Variants in SMARCAL1 observed in about 807,000 individuals in gnomAD.
SMARCAL1 encodes the protein ATP-driven annealing helicase.
Under a neutral mutation model 94.5 loss-of-function variants are expected in SMARCAL1, and 58 were observed. The observed-to-expected ratio is 0.61, with a 90% confidence interval of 0.50 to 0.76. The LOEUF (loss-of-function observed/expected upper bound fraction) is 0.76. SMARCAL1 is among the 30% of genes least tolerant of loss of function. SMARCAL1 has a pLI of 0.00. For synonymous variants in SMARCAL1, 422 were observed against 455.1 expected (o/e 0.93, Z 0.93); for missense variants, 1,051 against 1,177.9 (o/e 0.89, Z 1.58).
intron 4 of SMARCAL1, among the ~76,000 whole-genome samples, chr2:216,417,765 G>A (rs1171572014): frequency 6.6e-6 from 1 of 152,176 alleles, no homozygotes; most frequent in Non-Finnish European, 1.5e-5. Flanking sequence ...GATAAAGATT[G>A]CAGATTTTGA....
At chr2:216,446,502 A>T (rs1375022654) in intron 10 of SMARCAL1, among the ~76,000 whole-genome samples, 1 of 152,184 alleles carries the variant, frequency 6.6e-6, no homozygotes, top group African/African-American at 2.4e-5. Context: ...GGCTGATTGT[A>T]ATTGTCATTA....
intron 6 of SMARCAL1, 115 bp from the exon 7 acceptor site, chr2:216,428,481 T>C: frequency 1.0e-6 from 1 of 983,922 alleles, no homozygotes; most frequent in Non-Finnish European, 1.6e-6. Context: ...ACCCATTATA[T>C]AGGGACCTAG....
chr2:216,439,179 C>T (rs1574461017), intron 10 of SMARCAL1, among the ~76,000 whole-genome samples: 2 of 151,946 alleles, frequency 1.3e-5, no homozygotes, highest in Non-Finnish European at 1.5e-5. Flanking sequence ...AGCAAGCAGG[C>T]GTGGGTATGT....
At chr2:216,450,676 C>T (rs1348164444) in intron 11 of SMARCAL1, among the ~76,000 whole-genome samples, 170 bp from the exon 12 acceptor site, 3 of 152,104 alleles carry the variant, frequency 2.0e-5, no homozygotes, top group Non-Finnish European at 4.4e-5. Context: ...TTTTCCTTTC[C>T]ATTTCTCATT....
At chr2:216,447,681 A>T (rs929818078) in intron 11 of SMARCAL1, among the ~76,000 whole-genome samples, 1 of 151,444 alleles carries the variant, frequency 6.6e-6, no homozygotes, top group Admixed American at 6.6e-5. Flanking sequence ...AAAAAAAAAG[A>T]AAAAAAAAGA....
At chr2:216,452,660 T>C (rs1204422174) in intron 12 of SMARCAL1, among the ~76,000 whole-genome samples, 1 of 150,974 alleles carries the variant, frequency 6.6e-6, no homozygotes, top group African/African-American at 2.5e-5. Flanking sequence ...GCATTTGAAT[T>C]AAGGAGGAAA....
At chr2:216,419,595 G>T (rs941872227) in intron 4 of SMARCAL1, among the ~76,000 whole-genome samples, 1 of 152,108 alleles carries the variant, frequency 6.6e-6, no homozygotes, top group Non-Finnish European at 1.5e-5. Context: ...ACCTAGGAGT[G>T]GGCTTAACTG....
Position 216,482,874 on chromosome 2 carries a change from A to G in SMARCAL1, c.2762A>G (p.Asn921Ser). The change falls in exon 18 of 18, where the codon AAC (asparagine) becomes AGC (serine). Residue 921 changes from asparagine (N) to serine (S), a missense_variant. Asn to Ser is a conservative substitution (Grantham distance 46). Transcript: ENST00000357276. The surrounding 1 kb of genome is among the most constrained non-coding windows in gnomAD (Gnocchi z 4.3). ...GGAACATCTGGAAGTAGTTCCCAGA[A>G]CATGGGAGACACCCTGGATGAAAGC... Reference protein sequence around the residue: ...ASGTSGSSSQNMGDTLDESSL... With the variant: ...ASGTSGSSSQSMGDTLDESSL... 6.2e-7 allele frequency: 1 copy of G among 1,614,236 alleles called. No individual in the cohort carries two copies. The highest frequency in any genetic ancestry group is 8.5e-7 in the Non-Finnish European group (1 of 1,180,034).
rs773280953 is a variant in SMARCAL1, at chr2:216,432,881, C to T, written c.1485+13C>T. ...CACCTGGGAGCAGGTTAATGGTCTT[C>T]AAATTGCAGTTTTCACAGAGAAGGT... On this transcript the variant is annotated intron_variant, in intron 8 of 17. Transcript: ENST00000357276. The T allele has an allele frequency of 2.5e-6, 4 of 1,613,994 alleles. No homozygotes were observed. Among genetic ancestry groups the T allele is most frequent in the Non-Finnish European group, 3.4e-6 (4 of 1,180,020 alleles).
intron 12 of SMARCAL1, among the ~76,000 whole-genome samples, chr2:216,463,813 T>G (rs930034604): frequency 3.3e-5 from 5 of 152,110 alleles, no homozygotes; most frequent in Non-Finnish European, 7.4e-5. Context: ...GAGGCTGAGG[T>G]GGGTGGAACA....
chr2:216,437,633 A>C (rs922334016), intron 9 of SMARCAL1, among the ~76,000 whole-genome samples: 1 of 152,230 alleles, frequency 6.6e-6, no homozygotes, highest in Non-Finnish European at 1.5e-5. Context: ...GTGGTTGCTC[A>C]GAGTCACACA....
At chr2:216,479,587 A>C (rs1218195021) in intron 17 of SMARCAL1, among the ~76,000 whole-genome samples, 1 of 150,702 alleles carries the variant, frequency 6.6e-6, no homozygotes, top group Non-Finnish European at 1.5e-5. Flanking sequence ...TATTTGCTAA[A>C]TATTGGGATA....
chr2:216,429,433 T>C (rs1359439505), intron 7 of SMARCAL1, among the ~76,000 whole-genome samples: 1 of 152,194 alleles, frequency 6.6e-6, no homozygotes, highest in Non-Finnish European at 1.5e-5. Flanking sequence ...GGTGCTCTTA[T>C]TAGAGGAAGA....
At position 216,443,924 on chromosome 2, in the gene SMARCAL1, A is replaced by G. The variant is rs139820349; in HGVS notation, c.1711-3094A>G. Among the ~76,000 whole-genome samples the G allele has an allele frequency of 2.6e-3, 392 of 152,304 alleles. 1 individual carries two copies. Among genetic ancestry groups the G allele is most frequent in the African/African-American group, 8.8e-3 (364 of 41,576 alleles). On this transcript the variant is annotated intron_variant, in intron 10 of 17. Transcript: ENST00000357276. ...AAGCACTGGCTTTCTTCTGAATGTC[A>G]AGCTTTTCTTTTTGCCCTTAGGCTT...
At chr2:216,447,191 A>G (rs1328597998) in intron 11 of SMARCAL1, 33 bp downstream of exon 11, 5 of 1,012,928 alleles carry the variant, frequency 4.9e-6, no homozygotes, top group Admixed American at 2.0e-5. Context: ...CAGCCCACCC[A>G]TTTCTCACCC....
chr2:216,449,022 T>C (rs1694383051), intron 11 of SMARCAL1, among the ~76,000 whole-genome samples: 1 of 152,198 alleles, frequency 6.6e-6, no homozygotes, highest in African/African-American at 2.4e-5. Context: ...TAGCTCATGG[T>C]TCTGGAGACT....
intron 12 of SMARCAL1, among the ~76,000 whole-genome samples, chr2:216,457,596 A>G (rs570855033): frequency 8.5e-5 from 13 of 152,370 alleles, no homozygotes; most frequent in African/African-American, 2.2e-4. Flanking sequence ...TACTGGGTAC[A>G]TAACGAAATG....
chr2:216,479,236 G>T (rs1695150290), intron 17 of SMARCAL1: 1 of 152,204 alleles, frequency 6.6e-6, no homozygotes, highest in Admixed American at 6.5e-5. Flanking sequence ...TAGCTTATCA[G>T]GAAAGTGAAG....
chr2:216,461,495 C>G (rs1694703140), intron 12 of SMARCAL1, among the ~76,000 whole-genome samples: 1 of 152,072 alleles, frequency 6.6e-6, no homozygotes, highest in African/African-American at 2.4e-5. Context: ...AGGTTACTGT[C>G]TTATGAAGAC....
Sources: allele counts gnomAD v4.1 joint callset (sites outside exome capture counted in the v4.1 genomes callset), GRCh38; gene constraint gnomAD v4.1.1; non-coding constraint Gnocchi (gnomAD v3.1); transcripts MANE v1.5; gene names NCBI Gene and HGNC (gene_info 2026-07-23, HGNC 2026-07-21).